DEPTOR: variants seen among roughly 807,000 people sequenced by gnomAD.
DEPTOR encodes the protein DEP domain-containing mTOR-interacting protein.
DEPTOR carries 41 observed loss-of-function variants against 41.6 expected under a neutral mutation model. The observed-to-expected ratio is 0.98, with a 90% CI of 0.77 to 1.28. DEPTOR has a LOEUF of 1.28. Ranked by LOEUF, DEPTOR falls within the 50% of genes most tolerant of loss-of-function variation. The probability of loss-of-function intolerance (pLI) is 0.00; values close to 1 mark genes in which losing one functional copy is unlikely to be tolerated. For missense variants in DEPTOR, 514 were observed against 527.9 expected, an observed-to-expected ratio of 0.97 and a Z score of 0.26; for synonymous variants, 195 against 192.3, an observed-to-expected ratio of 1.01 and a Z score of -0.12.
chr8:119,944,714 G>T (rs1828249356), intron 3 of DEPTOR, among the ~76,000 whole-genome samples: 1 of 150,440 alleles, frequency 6.6e-6, no homozygotes, highest in Non-Finnish European at 1.5e-5. Context: ...GAGTGCAATG[G>T]CACAATCTTG....
intron 1 of DEPTOR, among the ~76,000 whole-genome samples, chr8:119,889,137 A>G (rs1272090794): frequency 6.6e-6 from 1 of 152,186 alleles, no homozygotes; most frequent in Admixed American, 6.5e-5. Flanking sequence ...GTTATTCAAA[A>G]TCTAAGGGTG....
chr8:119,935,997 TTG>T (rs1335037560), intron 3 of DEPTOR, among the ~76,000 whole-genome samples: 3 of 110,482 alleles, frequency 2.7e-5, no homozygotes, highest in African/African-American at 8.4e-5. Context: ...ATTAGTCTAG[TTG>T]TTTTTTTTTT....
intron 1 of DEPTOR, among the ~76,000 whole-genome samples, chr8:119,893,148 T>G (rs1827473023): frequency 6.6e-6 from 1 of 152,194 alleles, no homozygotes; most frequent in Non-Finnish European, 1.5e-5. Flanking sequence ...CAGGAATTCT[T>G]TAGAAACCAC....
At chr8:119,881,981 C>T (rs1350231342) in intron 1 of DEPTOR, among the ~76,000 whole-genome samples, 4 of 152,146 alleles carry the variant, frequency 2.6e-5, no homozygotes, top group African/African-American at 4.8e-5. Flanking sequence ...ACCTCTGCCT[C>T]CCAGGTTCGA....
intron 1 of DEPTOR, among the ~76,000 whole-genome samples, chr8:119,914,040 T>C (rs1827779999): frequency 6.6e-6 from 1 of 151,944 alleles, no homozygotes; most frequent in African/African-American, 2.4e-5. Flanking sequence ...TTTCTTTTTT[T>C]TTTTTTCCTT....
chr8:119,876,918 G>A (rs926683995), intron 1 of DEPTOR, among the ~76,000 whole-genome samples: 7 of 152,194 alleles, frequency 4.6e-5, no homozygotes, highest in Non-Finnish European at 8.8e-5. Flanking sequence ...TCAACAAATA[G>A]TTCCTGGAAT....
chr8:120,009,567 C>G lies in DEPTOR; in HGVS notation c.1101+434C>G, dbSNP rs375899690. 3.2e-4 allele frequency among the ~76,000 whole-genome samples: 48 copies of G among 152,194 alleles called. No individual in the cohort carries two copies. In the East Asian group the frequency reaches 9.3e-3, roughly 29 times the overall value. ...GGCAGAAGTTGTAGTGAGCCAAGAT[C>G]GCACCACTGCACTCCAGCCTGGGTG... is the stretch of plus-strand genomic sequence containing the variant. On this transcript the variant is annotated intron_variant, in intron 8 of 8. Coordinates refer to ENST00000286234, the MANE Select transcript of DEPTOR (RefSeq NM_022783.4).
At chr8:120,043,111 A>G (rs560037856) in intron 8 of DEPTOR, among the ~76,000 whole-genome samples, 1 of 151,628 alleles carries the variant, frequency 6.6e-6, no homozygotes, top group East Asian at 1.9e-4. Flanking sequence ...TTATATAGGT[A>G]ATTGGGGAGC....
At chr8:119,965,120 C>A in intron 3 of DEPTOR, 112 bp from the exon 4 acceptor site, 1 of 1,163,720 alleles carries the variant, frequency 8.6e-7, no homozygotes, top group Non-Finnish European at 1.2e-6. Context: ...CTGACAGCTG[C>A]ATCTGTCTGT....
chr8:119,920,742 G>A (rs551092514), intron 1 of DEPTOR, among the ~76,000 whole-genome samples: 29 of 152,260 alleles, frequency 1.9e-4, no homozygotes, highest in African/African-American at 6.0e-4. Context: ...CCAGGGAGTC[G>A]AGTCCCACTC....
intron 4 of DEPTOR, among the ~76,000 whole-genome samples, chr8:119,991,051 T>TTTCTTTCTTTCTTTCTTTCG: frequency 4.2e-5 from 1 of 23,912 alleles, no homozygotes; most frequent in Non-Finnish European, 9.0e-5. Flanking sequence ...TCTTTCTTTC[T>TTTCTTTCTTTCTTTCTTTCG]TTCTTTCTTT....
intron 8 of DEPTOR, among the ~76,000 whole-genome samples, chr8:120,010,758 T>C (rs1355414937): frequency 6.6e-6 from 1 of 152,182 alleles, no homozygotes; most frequent in Non-Finnish European, 1.5e-5. Context: ...TTAAGCAGCT[T>C]TATTTGAAGT....
intron 3 of DEPTOR, among the ~76,000 whole-genome samples, chr8:119,941,524 G>A (rs1411015468): frequency 5.3e-5 from 8 of 152,114 alleles, no homozygotes. Flanking sequence ...CAGTGTACTG[G>A]CAAGCAAGAG....
chr8:119,938,438 G>T (rs1194971625), intron 3 of DEPTOR, among the ~76,000 whole-genome samples: 1 of 152,172 alleles, frequency 6.6e-6, no homozygotes, highest in South Asian at 2.1e-4. Context: ...TTCATGTGCA[G>T]CTTAGAGCCA....
intron 4 of DEPTOR, among the ~76,000 whole-genome samples, chr8:119,991,059 T>C (rs1812156171): frequency 2.2e-5 from 1 of 45,868 alleles, no homozygotes; most frequent in African/African-American, 8.2e-5. Context: ...TCTTTCTTTC[T>C]TTCTTTCTTT....
At chr8:119,975,870 C>CT (rs34482727) in intron 4 of DEPTOR, among the ~76,000 whole-genome samples, 989 of 65,306 alleles carry the variant, frequency 0.015, 110 homozygotes, top group African/African-American at 0.037. Context: ...ATGCTTGCTC[C>CT]TTTTTTTTTT....
intron 8 of DEPTOR, among the ~76,000 whole-genome samples, chr8:120,045,392 G>T (rs1456561261): frequency 6.6e-6 from 1 of 151,750 alleles, no homozygotes; most frequent in African/African-American, 2.4e-5. Context: ...TGTTTTTTAG[G>T]CAGGATCTCA....
chr8:119,963,385 C>T (rs1246777766), intron 3 of DEPTOR, among the ~76,000 whole-genome samples: 1 of 151,852 alleles, frequency 6.6e-6, no homozygotes, highest in East Asian at 1.9e-4. Context: ...GAGTCTCCCT[C>T]TGTCACTCAG....
At chr8:119,890,105 C>T (rs969613624) in intron 1 of DEPTOR, among the ~76,000 whole-genome samples, 2 of 151,990 alleles carry the variant, frequency 1.3e-5, no homozygotes, top group African/African-American at 2.4e-5. Flanking sequence ...GCTGGGATTA[C>T]GGGCATGGGC....
Sources: gnomAD v4.1 joint callset for allele counts (sites outside exome capture counted in the v4.1 genomes callset) on GRCh38, gnomAD v4.1.1 for gene constraint, MANE v1.5 for transcripts, NCBI Gene and HGNC (gene_info 2026-07-23, HGNC 2026-07-21) for gene names.